The following COL23A1 variants were observed in gnomAD, a reference collection of about 807,000 sequenced individuals.
The protein encoded by COL23A1 is collagen alpha-1(XXIII) chain.
COL23A1 carries 97 observed loss-of-function variants against 99.3 expected under a neutral mutation model. The observed-to-expected ratio is 0.98, with a 90% CI of 0.83 to 1.16. COL23A1 has a LOEUF of 1.16. Ranked by LOEUF, COL23A1 falls within the 50% of genes most tolerant of loss-of-function variation. COL23A1 has a pLI of 0.00. For missense variants in COL23A1, 762 were observed against 757.4 expected (o/e 1.01, Z -0.07); for synonymous variants, 320 against 308.2 (o/e 1.04, Z -0.40).
At chr5:178,496,350 T>C (rs1758199852) in intron 2 of COL23A1, among the ~76,000 whole-genome samples, 3 of 152,146 alleles carry the variant, frequency 2.0e-5, no homozygotes, top group Non-Finnish European at 2.9e-5. Flanking sequence ...GAGACTCCAG[T>C]TCAGAACAGT....
At chr5:178,502,891 C>T (rs1758649967) in intron 2 of COL23A1, among the ~76,000 whole-genome samples, 1 of 152,216 alleles carries the variant, frequency 6.6e-6, no homozygotes, top group Non-Finnish European at 1.5e-5. Context: ...TGAACCGCAG[C>T]ACACGCTGCA....
intron 2 of COL23A1, among the ~76,000 whole-genome samples, chr5:178,360,175 T>C (rs375763583): frequency 7.9e-5 from 12 of 152,156 alleles, no homozygotes; most frequent in East Asian, 3.9e-4. Flanking sequence ...CCCCAAATTC[T>C]TCGCCAGACC....
chr5:178,313,482 A>G lies in COL23A1; in HGVS notation c.362-6563T>C, dbSNP rs1758814138. Among the ~76,000 whole-genome samples the G allele has an allele frequency of 6.6e-6, 1 of 152,232 alleles. No homozygotes were observed. Among genetic ancestry groups the G allele is most frequent in the South Asian group, 2.1e-4 (1 of 4,832 alleles). On this transcript the variant is annotated intron_variant, in intron 2 of 28. Transcript: ENST00000390654. This position sits in a 1 kb window ranked among gnomAD's most constrained non-coding sequence, Gnocchi z 4.2. ...TGGGGATGCTGCTGGCAGCCACAGC[A>G]GTGTCCCGTGTGAGGAGCCCGGCAC...
Position 178,258,262 on chromosome 5 carries a change from T to TATATATACACACAC in COL23A1, c.730-696_730-695insGTGTGTGTATATAT. ...ATATATATATATATATATATATATA[T>TATATATACACACAC]ACACATGCAAATCAATTCTAGGCAC... On this transcript the variant is annotated intron_variant, in intron 12 of 28. Transcript: ENST00000390654. Among the ~76,000 whole-genome samples the TATATATACACACAC allele has an allele frequency of 2.9e-5, 3 of 104,064 alleles. 1 individual carries two copies. Among genetic ancestry groups the TATATATACACACAC allele is most frequent in the Non-Finnish European group, 6.7e-5 (3 of 44,834 alleles). The allele number at this position is 104,064 out of a possible 152,430, so 68.3% of individuals were successfully genotyped here.
At chr5:178,261,006 A>C (rs1561800914) in intron 11 of COL23A1, among the ~76,000 whole-genome samples, 2 of 152,060 alleles carry the variant, frequency 1.3e-5, no homozygotes, top group African/African-American at 4.8e-5. Flanking sequence ...TGGTCTGTCC[A>C]CACAGGTGGG....
intron 2 of COL23A1, among the ~76,000 whole-genome samples, chr5:178,368,683 G>C (rs373296312): frequency 6.6e-6 from 1 of 152,154 alleles, no homozygotes; most frequent in African/African-American, 2.4e-5. Context: ...TCCAGAAGCC[G>C]TCAGCCTCCA....
At chr5:178,348,859 C>G (rs78442154) in intron 2 of COL23A1, among the ~76,000 whole-genome samples, 3 of 152,208 alleles carry the variant, frequency 2.0e-5, no homozygotes, top group Non-Finnish European at 2.9e-5. Context: ...GCCAACCCCC[C>G]AGCAGGGAGG....
At position 178,307,106 on chromosome 5, in the gene COL23A1, G is replaced by A. The variant is rs986370507; in HGVS notation, c.362-187C>T. 2.0e-5 allele frequency among the ~76,000 whole-genome samples: 3 copies of A among 152,012 alleles called. 1 individual carries two copies. Among genetic ancestry groups the A allele is most frequent in the South Asian group, 4.1e-4 (2 of 4,826 alleles). ...AACCCCTTCCTTCTGCCACTACCTC[G>A]CCTGTTCCGCCAACCCCCCTCCCCA... On this transcript the variant is annotated intron_variant, in intron 2 of 28. Coordinates refer to ENST00000390654, the MANE Select transcript of COL23A1 (RefSeq NM_173465.4). This position sits in a 1 kb window ranked among gnomAD's most constrained non-coding sequence, Gnocchi z 4.2.
In COL23A1 at chr5:178,307,072, G is replaced by A. The variant is rs906638848; in HGVS notation, c.362-153C>T. ...CTGCTGGCTGTGGAGGGGGAGATGC[G>A]TGGGGAGAAACCCCTTCCTTCTGCC... is the stretch of plus-strand genomic sequence containing the variant. On this transcript the variant is annotated intron_variant, in intron 2 of 28. Coordinates refer to ENST00000390654, the MANE Select transcript of COL23A1 (RefSeq NM_173465.4). This position sits in a 1 kb window ranked among gnomAD's most constrained non-coding sequence, Gnocchi z 4.2. 3 of 527,500 alleles carry A rather than the reference G, an allele frequency of 5.7e-6. No homozygotes were observed. The highest frequency in any genetic ancestry group is 4.2e-5 in the Admixed American group (1 of 23,782). The allele number at this position is 527,500 out of a possible 1,614,324, so 32.7% of individuals were successfully genotyped here.
At chr5:178,560,787 A>T (rs1440337302) in intron 1 of COL23A1, 39 bp from the exon 2 acceptor site, 48 of 1,574,920 alleles carry the variant, frequency 3.0e-5, no homozygotes, top group Non-Finnish European at 3.6e-5. Flanking sequence ...ACGAGGAGAG[A>T]ATGAGTTTCA....
chr5:178,250,117 G>T lies in COL23A1; in HGVS notation c.1015-12C>A. The T allele has an allele frequency of 6.2e-7, 1 of 1,614,104 alleles. No individual in the cohort carries two copies. The highest frequency in any genetic ancestry group is 8.5e-7 in the Non-Finnish European group (1 of 1,179,986). ...AATCCAAGCTCGCCCTGGAAGGGAA[G>T]AGATGGCAAGAGGGGTTATGCCTTC... is the stretch of plus-strand genomic sequence containing the variant. On this transcript the variant is annotated splice_polypyrimidine_tract_variant and intron_variant, in intron 17 of 28. Transcript: ENST00000390654.
intron 2 of COL23A1, among the ~76,000 whole-genome samples, chr5:178,329,086 C>A (rs1490978714): frequency 1.3e-5 from 2 of 150,384 alleles, no homozygotes. Context: ...GGCAGAAAGC[C>A]CCCCTCCAGG....
chr5:178,269,635 C>A (rs1756165365), intron 6 of COL23A1, among the ~76,000 whole-genome samples: 1 of 145,218 alleles, frequency 6.9e-6, no homozygotes, highest in African/African-American at 2.6e-5. Context: ...TTCATCCACC[C>A]ATCCACTCAC....
chr5:178,536,588 A>T (rs73344410), intron 2 of COL23A1, among the ~76,000 whole-genome samples: 2,104 of 152,294 alleles, frequency 0.014, 51 homozygotes, highest in African/African-American at 0.048. Flanking sequence ...GCCTGCTGGG[A>T]GCCTCCCAAG....
chr5:178,358,629 G>T (rs945960905), intron 2 of COL23A1, among the ~76,000 whole-genome samples: 1 of 139,312 alleles, frequency 7.2e-6, no homozygotes, highest in African/African-American at 2.6e-5. Context: ...ATGTGTGTAT[G>T]TGTCTAGTGT....
rs1581516790 is a variant in COL23A1 at position 178,502,364 on chromosome 5, C to A, written c.361+58318G>T. On this transcript the variant is annotated intron_variant, in intron 2 of 28. Coordinates refer to ENST00000390654, the MANE Select transcript of COL23A1 (RefSeq NM_173465.4). ...GCCAGGATGGTCTCGATCTTCTGAC[C>A]TTGTGATCTGCCCGCCTCGGCCTCC... 3.9e-5 allele frequency among the ~76,000 whole-genome samples: 6 copies of A among 152,338 alleles called. No individual in the cohort carries two copies. In the South Asian group the frequency reaches 1.2e-3, roughly 32 times the overall value.
intron 2 of COL23A1, among the ~76,000 whole-genome samples, chr5:178,501,764 T>C: frequency 6.6e-6 from 1 of 152,240 alleles, no homozygotes; most frequent in South Asian, 2.1e-4. Flanking sequence ...GGCCTTCATG[T>C]GAGCAGGCCA....
intron 2 of COL23A1, among the ~76,000 whole-genome samples, chr5:178,420,898 A>C (rs935440286): frequency 5.3e-5 from 8 of 151,674 alleles, no homozygotes; most frequent in African/African-American, 1.7e-4. Context: ...CCTGAAACAG[A>C]GTTCCATTCC....
intron 5 of COL23A1, among the ~76,000 whole-genome samples, chr5:178,284,405 T>C (rs2127579842): frequency 6.6e-6 from 1 of 152,342 alleles, no homozygotes; most frequent in South Asian, 2.1e-4. Context: ...GCTTTAAAAG[T>C]GTAATACCCA....
Sources: gnomAD v4.1 joint callset for allele counts (sites outside exome capture counted in the v4.1 genomes callset) on GRCh38, gnomAD v4.1.1 for gene constraint, Gnocchi (gnomAD v3.1) non-coding constraint, MANE v1.5 for transcripts, NCBI Gene and HGNC (gene_info 2026-07-23, HGNC 2026-07-21) for gene names.